The following BBX variants were observed in gnomAD, a reference collection of about 807,000 sequenced individuals.
BBX encodes HMG box transcription factor BBX.
BBX carries 30 observed loss-of-function variants against 100.2 expected under a neutral mutation model. That is an observed-to-expected ratio of 0.30 (90% CI 0.22 to 0.41). The LOEUF (loss-of-function observed/expected upper bound fraction) is 0.41, where lower values mean the gene tolerates loss of function less well. Ranked by LOEUF, BBX falls within the 10% of genes least tolerant of loss-of-function variation. The pLI, the probability that BBX is intolerant of heterozygous loss-of-function variation, is 1.00. For missense variants in BBX, 1,023 were observed against 1,129.8 expected (o/e 0.91, Z 1.35); for synonymous variants, 376 against 388.1 (o/e 0.97, Z 0.37).
intron 13 of BBX, among the ~76,000 whole-genome samples, chr3:107,779,069 C>CT (rs1456963541): frequency 4.5e-5 from 6 of 132,856 alleles, no homozygotes; most frequent in African/African-American, 1.7e-4. Flanking sequence ...TTAAAAAATG[C>CT]TTTGTTTAGT....
intron 13 of BBX, among the ~76,000 whole-genome samples, chr3:107,778,956 A>G (rs2067562082): frequency 6.9e-6 from 1 of 144,378 alleles, no homozygotes; most frequent in South Asian, 2.2e-4. Context: ...GGCATTATAG[A>G]CCAAAGGAAA....
intron 13 of BBX, among the ~76,000 whole-genome samples, chr3:107,788,955 A>G (rs916755508): frequency 6.6e-6 from 1 of 152,138 alleles, no homozygotes; most frequent in Admixed American, 6.5e-5. Context: ...ATTTGTTTGT[A>G]TAGTGATGGA....
chr3:107,658,230 C>T (rs772923324), intron 3 of BBX, among the ~76,000 whole-genome samples: 3 of 152,096 alleles, frequency 2.0e-5, no homozygotes, highest in Non-Finnish European at 1.5e-5. Flanking sequence ...TCCTCTCCCT[C>T]GGAGCATAGA....
intron 2 of BBX, among the ~76,000 whole-genome samples, chr3:107,602,947 TTTTTG>T (rs148228256): frequency 0.24 from 36,974 of 151,488 alleles, 5,585 homozygotes; most frequent in South Asian, 0.36. Flanking sequence ...TTCCAGTGTT[TTTTTG>T]TTTTGTTTTG....
intron 3 of BBX, among the ~76,000 whole-genome samples, chr3:107,662,309 G>GCCTT: frequency 6.6e-6 from 1 of 152,230 alleles, no homozygotes; most frequent in South Asian, 2.1e-4. Flanking sequence ...GTGGGGCTTG[G>GCCTT]CAAGCCTTTT....
chr3:107,616,493 C>T (rs2055295213), intron 2 of BBX, among the ~76,000 whole-genome samples: 1 of 152,106 alleles, frequency 6.6e-6, no homozygotes, highest in Non-Finnish European at 1.5e-5. Context: ...TGTTTTCATT[C>T]CCACCAGCAG....
chr3:107,672,628 T>C (rs1235907186), intron 3 of BBX, among the ~76,000 whole-genome samples: 1 of 152,032 alleles, frequency 6.6e-6, no homozygotes, highest in East Asian at 1.9e-4. Flanking sequence ...CTAGGGTATA[T>C]TTTTATTAAG....
At chr3:107,726,364 T>C (rs552777096) in intron 5 of BBX, among the ~76,000 whole-genome samples, 4 of 151,868 alleles carry the variant, frequency 2.6e-5, no homozygotes, top group Non-Finnish European at 4.4e-5. Flanking sequence ...TTACATGAAT[T>C]GATGGCATCT....
chr3:107,796,723 A>G (rs555000513), intron 15 of BBX, among the ~76,000 whole-genome samples: 2 of 144,138 alleles, frequency 1.4e-5, no homozygotes, highest in Admixed American at 7.0e-5. Flanking sequence ...AGTTTAAACT[A>G]AAAAAAAAAA....
intron 2 of BBX, among the ~76,000 whole-genome samples, chr3:107,619,337 G>C (rs574299242): frequency 6.6e-6 from 1 of 152,178 alleles, no homozygotes; most frequent in South Asian, 2.1e-4. Flanking sequence ...CTGCCAGTCT[G>C]ACTTTTAATT....
chr3:107,541,778 A>T (rs937789548), intron 2 of BBX, among the ~76,000 whole-genome samples: 2 of 152,048 alleles, frequency 1.3e-5, no homozygotes, highest in Non-Finnish European at 2.9e-5. Flanking sequence ...TTGTAACTTG[A>T]TATTAACTGA....
At chr3:107,598,153 C>T (rs183534715) in intron 2 of BBX, among the ~76,000 whole-genome samples, 4 of 152,184 alleles carry the variant, frequency 2.6e-5, no homozygotes, top group East Asian at 3.9e-4. Flanking sequence ...TAGTCATTGG[C>T]GTATTTTGGC....
intron 2 of BBX, among the ~76,000 whole-genome samples, chr3:107,628,248 T>C (rs1407730307): frequency 6.6e-6 from 1 of 152,050 alleles, no homozygotes; most frequent in Non-Finnish European, 1.5e-5. Context: ...TATAGAAAGG[T>C]ATAAAGGATT....
At chr3:107,537,835 G>A (rs2048602899) in intron 2 of BBX, among the ~76,000 whole-genome samples, 1 of 152,158 alleles carries the variant, frequency 6.6e-6, no homozygotes, top group South Asian at 2.1e-4. Flanking sequence ...GAAATATTGT[G>A]CTCAGTGTTC....
At chr3:107,618,913 T>C (rs768354471) in intron 2 of BBX, among the ~76,000 whole-genome samples, 1 of 152,080 alleles carries the variant, frequency 6.6e-6, no homozygotes, top group African/African-American at 2.4e-5. Context: ...TTAGATCCTG[T>C]AGGTTGATGA....
intron 15 of BBX, among the ~76,000 whole-genome samples, chr3:107,791,539 C>G (rs903913674): frequency 6.6e-6 from 1 of 152,172 alleles, no homozygotes; most frequent in South Asian, 2.1e-4. Flanking sequence ...ACCTTTGAAT[C>G]GCATTAATCA....
chr3:107,604,432 C>A (rs988645860), intron 2 of BBX, among the ~76,000 whole-genome samples: 4 of 152,134 alleles, frequency 2.6e-5, no homozygotes, highest in Non-Finnish European at 4.4e-5. Flanking sequence ...GTATTCTGGT[C>A]ACTCCCCTTC....
At chr3:107,651,292 CTT>C (rs1225611970) in intron 3 of BBX, among the ~76,000 whole-genome samples, 3 of 152,138 alleles carry the variant, frequency 2.0e-5, no homozygotes, top group Admixed American at 6.6e-5. Context: ...CTAAAAATAT[CTT>C]TGATACTTTT....
chr3:107,605,754 G>A (rs535961751), intron 2 of BBX, among the ~76,000 whole-genome samples: 1 of 152,312 alleles, frequency 6.6e-6, no homozygotes, highest in East Asian at 1.9e-4. Flanking sequence ...TGGAAGCACA[G>A]GAAGTGAAGG....
Sources: gnomAD v4.1 joint callset for allele counts (sites outside exome capture counted in the v4.1 genomes callset) on GRCh38, gnomAD v4.1.1 for gene constraint, MANE v1.5 for transcripts, NCBI Gene and HGNC (gene_info 2026-07-23, HGNC 2026-07-21) for gene names.